The following MGAT4C variants were observed in gnomAD, a reference collection of about 807,000 sequenced individuals.
The protein encoded by MGAT4C is alpha-1,3-mannosyl-glycoprotein 4-beta-N-acetylglucosaminyltransferase C.
MGAT4C carries 19 observed loss-of-function variants against 40.1 expected under a neutral mutation model. That is an observed-to-expected ratio of 0.47 (90% CI 0.33 to 0.70). MGAT4C has a LOEUF of 0.70. MGAT4C is among the 30% of genes least tolerant of loss of function. MGAT4C has a pLI of 0.02. For synonymous variants in MGAT4C, 181 were observed against 187.1 expected, an observed-to-expected ratio of 0.97 and a Z score of 0.27; for missense variants, 491 against 563.2, an observed-to-expected ratio of 0.87 and a Z score of 1.30.
intron 4 of MGAT4C, among the ~76,000 whole-genome samples, chr12:86,277,374 T>C (rs1953102263): frequency 6.6e-6 from 1 of 152,242 alleles, no homozygotes; most frequent in Admixed American, 6.5e-5. Flanking sequence ...TTTTGTTTAC[T>C]GTGCAAAAAG....
chr12:86,397,338 T>G (rs1326425521), intron 3 of MGAT4C, among the ~76,000 whole-genome samples: 1 of 152,072 alleles, frequency 6.6e-6, no homozygotes, highest in Non-Finnish European at 1.5e-5. Flanking sequence ...CTTCAAAACC[T>G]CCCAAACCCT....
intron 2 of MGAT4C, among the ~76,000 whole-genome samples, chr12:86,486,898 G>A (rs1165153870): frequency 1.3e-5 from 2 of 152,118 alleles, no homozygotes; most frequent in Non-Finnish European, 1.5e-5. Context: ...CTAGAGATCT[G>A]GATTCTGCAA....
chr12:86,515,216 C>T (rs1958661949), intron 2 of MGAT4C, among the ~76,000 whole-genome samples: 1 of 152,112 alleles, frequency 6.6e-6, no homozygotes, highest in Admixed American at 6.6e-5. Flanking sequence ...AAACTTTCCT[C>T]TTAAGATTAG....
At chr12:86,600,923 C>T (rs1440963291) in intron 2 of MGAT4C, among the ~76,000 whole-genome samples, 3 of 152,244 alleles carry the variant, frequency 2.0e-5, no homozygotes, top group Non-Finnish European at 2.9e-5. Context: ...AGTGCCTGCT[C>T]TGCAGTGGAG....
At chr12:86,107,011 A>G (rs1322066245) in intron 1 of MGAT4C, among the ~76,000 whole-genome samples, 4 of 152,136 alleles carry the variant, frequency 2.6e-5, no homozygotes, top group Non-Finnish European at 5.9e-5. Context: ...CTCTTGTGTT[A>G]GGTCTACTAA....
At chr12:86,812,126 T>A (rs1952489552) in intron 1 of MGAT4C, among the ~76,000 whole-genome samples, 1 of 152,222 alleles carries the variant, frequency 6.6e-6, no homozygotes, top group Non-Finnish European at 1.5e-5. Context: ...CATTCTATTA[T>A]TGATTTCTGC....
chr12:86,626,476 G>T (rs1280980940), intron 2 of MGAT4C, among the ~76,000 whole-genome samples: 2 of 152,156 alleles, frequency 1.3e-5, no homozygotes, highest in African/African-American at 4.8e-5. Flanking sequence ...AACTTATGCT[G>T]TTGTAGTTGT....
chr12:86,419,932 A>G (rs1427509449), intron 3 of MGAT4C, among the ~76,000 whole-genome samples: 1 of 152,168 alleles, frequency 6.6e-6, no homozygotes, highest in African/African-American at 2.4e-5. Flanking sequence ...GAAAACAGAG[A>G]TAGGAAAAAA....
At chr12:86,618,452 G>T (rs541199865) in intron 2 of MGAT4C, among the ~76,000 whole-genome samples, 1 of 152,078 alleles carries the variant, frequency 6.6e-6, no homozygotes, top group Non-Finnish European at 1.5e-5. Flanking sequence ...AATAGGTAAA[G>T]AAAATGTGGT....
rs572768036 is a variant in MGAT4C at position 86,276,981 on chromosome 12, T to A, written c.-57+57084A>T. Reference sequence around the variant, plus strand: ...GCATTGCTGGATCATATGGTAGCTCTATTTTTAGTTTTTTGAAGAACCTCC... The same window carrying A: ...GCATTGCTGGATCATATGGTAGCTCAATTTTTAGTTTTTTGAAGAACCTCC... On this transcript the variant is annotated intron_variant, in intron 4 of 7. Coordinates refer to the MGAT4C transcript ENST00000548651. Among the ~76,000 whole-genome samples, 232 of 152,336 alleles carry A rather than the reference T, an allele frequency of 1.5e-3. 1 individual carries two copies. The highest frequency in any genetic ancestry group is 5.4e-3 in the African/African-American group (224 of 41,580).
chr12:86,495,724 G>A (rs1188721674), intron 2 of MGAT4C, among the ~76,000 whole-genome samples: 2 of 152,060 alleles, frequency 1.3e-5, no homozygotes, highest in Non-Finnish European at 2.9e-5. Flanking sequence ...TTTGAATAAA[G>A]AGAAATTGAC....
intron 2 of MGAT4C, among the ~76,000 whole-genome samples, chr12:86,494,513 T>C (rs1958201816): frequency 6.6e-6 from 1 of 151,746 alleles, no homozygotes; most frequent in Non-Finnish European, 1.5e-5. Flanking sequence ...ATAGTGATAA[T>C]TTTAAAACTT....
rs980045303 is a variant in MGAT4C, at chr12:86,795,510, C to T, written c.-262+43156G>A. Among the ~76,000 whole-genome samples, 3 of 151,682 alleles carry T rather than the reference C, an allele frequency of 2.0e-5. No homozygotes were observed. The South Asian group carries it at 6.2e-4, about 31-fold the overall frequency. ...ACAAGTGACATCAGGTTTTAAAATT[C>T]AGCTTTGTTCATTTATTTATATGTA... On this transcript the variant is annotated intron_variant, in intron 1 of 7. Transcript: ENST00000548651.
intron 2 of MGAT4C, among the ~76,000 whole-genome samples, chr12:86,521,626 G>T (rs1035543717): frequency 4.0e-5 from 6 of 151,606 alleles, no homozygotes; most frequent in Admixed American, 3.9e-4. Flanking sequence ...TCTGTGAAGA[G>T]CATCATTGGT....
intron 1 of MGAT4C, among the ~76,000 whole-genome samples, chr12:86,769,427 C>G (rs1372159757): frequency 6.6e-6 from 1 of 152,098 alleles, no homozygotes; most frequent in Non-Finnish European, 1.5e-5. Flanking sequence ...GGATTGTAAA[C>G]TAGTTCAACC....
At chr12:86,163,686 T>A (rs961736503) in intron 1 of MGAT4C, among the ~76,000 whole-genome samples, 1 of 152,128 alleles carries the variant, frequency 6.6e-6, no homozygotes, top group Non-Finnish European at 1.5e-5. Context: ...GAATGCTTAA[T>A]AAAAAATACA....
At position 86,538,187 on chromosome 12, in the gene MGAT4C, C is replaced by T. The variant is rs76163464; in HGVS notation, c.-228-102922G>A. ...AATCAGAGTCTGAGATGAGAAGGCA[C>T]ATGAGGCGATATGATTAGGGAACTG... On this transcript the variant is annotated intron_variant, in intron 2 of 7. Transcript: ENST00000548651. Among the ~76,000 whole-genome samples, 12 of 152,294 alleles carry T rather than the reference C, an allele frequency of 7.9e-5. No homozygotes were observed. The East Asian group carries it at 2.3e-3, about 29-fold the overall frequency.
chr12:86,627,191 C>T (rs2080478654), intron 2 of MGAT4C, among the ~76,000 whole-genome samples: 1 of 152,040 alleles, frequency 6.6e-6, no homozygotes, highest in Admixed American at 6.6e-5. Context: ...ATTGCTGAGG[C>T]TTGAGTAGGC....
intron 2 of MGAT4C, among the ~76,000 whole-genome samples, chr12:86,018,703 T>C (rs954805921): frequency 6.6e-6 from 1 of 152,152 alleles, no homozygotes; most frequent in Non-Finnish European, 1.5e-5. Context: ...CAGTCCCAAG[T>C]TGTATGTTCA....
Sources: gnomAD v4.1 joint callset for allele counts (sites outside exome capture counted in the v4.1 genomes callset) on GRCh38, gnomAD v4.1.1 for gene constraint, MANE v1.5 for transcripts, NCBI Gene and HGNC (gene_info 2026-07-23, HGNC 2026-07-21) for gene names.